The following CSMD1 variants were observed in gnomAD, a reference collection of about 807,000 sequenced individuals.
CSMD1 encodes CUB and Sushi multiple domains 1.
A neutral mutation model predicts 417.5 loss-of-function variants in CSMD1; 213 were observed. That is an observed-to-expected ratio of 0.51 (90% CI 0.46 to 0.57). The LOEUF is 0.57. CSMD1 is among the 20% of genes least tolerant of loss of function. CSMD1 has a pLI of 0.00. For missense variants in CSMD1, 6,923 were observed against 4,529.7 expected, an observed-to-expected ratio of 1.53 and a Z score of -15.17; for synonymous variants, 2,862 against 1,736.8, an observed-to-expected ratio of 1.65 and a Z score of -16.11.
intron 1 of CSMD1, among the ~76,000 whole-genome samples, chr8:4,762,392 G>A (rs984434488): frequency 4.6e-5 from 7 of 151,694 alleles, no homozygotes; most frequent in South Asian, 4.2e-4. Flanking sequence ...CCATTTTATC[G>A]GTATTCTGAG....
In CSMD1 at chr8:4,367,041, T is replaced by G. The variant is rs148037049; in HGVS notation, c.415+52912A>C. Among the ~76,000 whole-genome samples the G allele has an allele frequency of 2.9e-3, 438 of 152,338 alleles. 2 individuals carry two copies. Among genetic ancestry groups the G allele is most frequent in the African/African-American group, 0.01 (421 of 41,580 alleles). ...ACTTCTTTTGCTGTGCAGAAGCTTC[T>G]TAGTTTAATAGGTCCCACTTGTCAA... On this transcript the variant is annotated intron_variant, in intron 3 of 69. Transcript: ENST00000635120.
intron 1 of CSMD1, among the ~76,000 whole-genome samples, chr8:4,780,589 G>A (rs1024448055): frequency 3.3e-5 from 5 of 150,178 alleles, no homozygotes; most frequent in African/African-American, 1.2e-4. Flanking sequence ...TTTTCCATAA[G>A]TTATTGGGGT....
chr8:3,430,894 T>A (rs1012481816), intron 12 of CSMD1, among the ~76,000 whole-genome samples: 1 of 152,166 alleles, frequency 6.6e-6, no homozygotes, highest in African/African-American at 2.4e-5. Context: ...GATAAAATAA[T>A]TGAAGAAAAT....
chr8:2,957,619 C>T (rs1563179714), intron 63 of CSMD1, 77 bp downstream of exon 63: 1 of 955,226 alleles, frequency 1.0e-6, no homozygotes, highest in African/African-American at 1.7e-5. Flanking sequence ...CTCATTATTT[C>T]CCTTAGTGGT....
chr8:4,508,575 G>T (rs1802653556), intron 2 of CSMD1, among the ~76,000 whole-genome samples: 1 of 152,078 alleles, frequency 6.6e-6, no homozygotes, highest in African/African-American at 2.4e-5. Context: ...AAGAGAATCA[G>T]AATATGCCAT....
intron 1 of CSMD1, among the ~76,000 whole-genome samples, chr8:4,945,092 G>C (rs1048696153): frequency 6.6e-6 from 1 of 152,066 alleles, no homozygotes; most frequent in Non-Finnish European, 1.5e-5. Context: ...CCTGACATAG[G>C]CTACAACACA....
intron 3 of CSMD1, among the ~76,000 whole-genome samples, chr8:4,140,464 C>T (rs1359078550): frequency 6.6e-6 from 1 of 150,490 alleles, no homozygotes; most frequent in Non-Finnish European, 1.5e-5. Context: ...AACATTTGCA[C>T]TCCAGTATAA....
chr8:3,185,142 C>G (rs568961980), intron 36 of CSMD1, among the ~76,000 whole-genome samples: 1 of 152,188 alleles, frequency 6.6e-6, no homozygotes, highest in African/African-American at 2.4e-5. Flanking sequence ...TGGGAGGCCC[C>G]GAGGGCTTGC....
chr8:4,892,142 A>C (rs1338767656), intron 1 of CSMD1, among the ~76,000 whole-genome samples: 1 of 152,060 alleles, frequency 6.6e-6, no homozygotes, highest in Non-Finnish European at 1.5e-5. Flanking sequence ...CCCATTTGTC[A>C]CCTGCAATTT....
At chr8:4,434,716 G>C (rs760084564) in intron 2 of CSMD1, among the ~76,000 whole-genome samples, 40 of 152,100 alleles carry the variant, frequency 2.6e-4, no homozygotes, top group Non-Finnish European at 5.4e-4. Context: ...TCATGCCCCT[G>C]ACAGTGCTCA....
rs540826211 is a variant in CSMD1 at position 3,395,369 on chromosome 8, C to T, written c.2593+825G>A. 5.9e-5 allele frequency among the ~76,000 whole-genome samples: 9 copies of T among 152,258 alleles called. No homozygotes were observed. The South Asian group carries it at 8.3e-4, about 14-fold the overall frequency. On this transcript the variant is annotated intron_variant, in intron 17 of 69. Transcript: ENST00000635120. ...TGTTTTCAAACAGAGAAAAGAATAA[C>T]AGCTGCTTTGCTTTGTTTTGTTTTA...
At chr8:3,596,349 A>G (rs1164127450) in intron 8 of CSMD1, among the ~76,000 whole-genome samples, 1 of 152,134 alleles carries the variant, frequency 6.6e-6, no homozygotes, top group African/African-American at 2.4e-5. Context: ...CATGCAGGGA[A>G]GTGACATATA....
chr8:4,212,751 C>CT (rs5889027), intron 3 of CSMD1, among the ~76,000 whole-genome samples: 2,533 of 99,136 alleles, frequency 0.026, 122 homozygotes, highest in Admixed American at 0.12. Context: ...CGGCCTTATT[C>CT]TTTTTTTTTT....
At chr8:3,188,774 A>G in intron 35 of CSMD1, 113 bp downstream of exon 35, 1 of 920,306 alleles carries the variant, frequency 1.1e-6, no homozygotes, top group East Asian at 3.1e-5. Context: ...AAAGGAAAAA[A>G]GAGAGAGGGA....
chr8:4,380,721 C>A (rs6558873), intron 3 of CSMD1, among the ~76,000 whole-genome samples: 121,620 of 152,158 alleles, frequency 0.8, 49,145 homozygotes, highest in African/African-American at 0.91. Context: ...GATGTTGTAT[C>A]TATGGGAGCA....
At chr8:3,510,649 T>A (rs1334369567) in intron 10 of CSMD1, among the ~76,000 whole-genome samples, 1 of 151,628 alleles carries the variant, frequency 6.6e-6, no homozygotes, top group African/African-American at 2.4e-5. Context: ...AAAAATCACA[T>A]TTCAGATTAT....
intron 3 of CSMD1, among the ~76,000 whole-genome samples, chr8:4,065,872 G>A (rs558749037): frequency 2.6e-5 from 4 of 152,282 alleles, no homozygotes; most frequent in South Asian, 2.1e-4. Context: ...TTCCTTCACT[G>A]TCTTCCATAA....
At chr8:3,954,929 C>T (rs955283645) in intron 5 of CSMD1, among the ~76,000 whole-genome samples, 4 of 152,180 alleles carry the variant, frequency 2.6e-5, no homozygotes, top group African/African-American at 7.2e-5. Context: ...TCCTTTAACA[C>T]TTATGCACAG....
intron 1 of CSMD1, among the ~76,000 whole-genome samples, chr8:4,687,151 C>T (rs1360964777): frequency 2.0e-5 from 3 of 152,160 alleles, no homozygotes; most frequent in Admixed American, 6.5e-5. Flanking sequence ...GGAAGAGCAC[C>T]GCTGCCAGCC....
Sources: gnomAD v4.1 joint callset for allele counts (sites outside exome capture counted in the v4.1 genomes callset) on GRCh38, gnomAD v4.1.1 for gene constraint, MANE v1.5 for transcripts, NCBI Gene and HGNC (gene_info 2026-07-23, HGNC 2026-07-21) for gene names.